KCNIP4: variants seen among roughly 807,000 people sequenced by gnomAD.
KCNIP4 encodes Kv channel-interacting protein 4.
In KCNIP4, 12 loss-of-function variants were observed where a neutral mutation model predicts 34.0. That is an observed-to-expected ratio of 0.35 (90% CI 0.23 to 0.57). The LOEUF is 0.57. KCNIP4 is among the 20% of genes least tolerant of loss of function. KCNIP4 has a pLI of 0.83. For synonymous variants in KCNIP4, 124 were observed against 102.2 expected, an observed-to-expected ratio of 1.21 and a Z score of -1.29; for missense variants, 238 against 311.7, an observed-to-expected ratio of 0.76 and a Z score of 1.78.
chr4:21,799,581 A>C (rs1450728), intron 1 of KCNIP4, among the ~76,000 whole-genome samples: 1 of 152,166 alleles, frequency 6.6e-6, no homozygotes, highest in Non-Finnish European at 1.5e-5. Context: ...TTGCTTAGTT[A>C]TGACTTTAAC....
chr4:21,911,651 CACACAG>C (rs1301076988), intron 1 of KCNIP4, among the ~76,000 whole-genome samples: 1 of 108,764 alleles, frequency 9.2e-6, no homozygotes, highest in African/African-American at 3.1e-5. Context: ...CACACACACA[CACACAG>C]AGTCTGGTAT....
intron 1 of KCNIP4, among the ~76,000 whole-genome samples, chr4:21,831,711 T>C (rs1578044461): frequency 6.9e-6 from 1 of 145,470 alleles, no homozygotes; most frequent in African/African-American, 2.5e-5. Context: ...GTTTCACTGG[T>C]GAATTCTACC....
At chr4:21,279,038 T>C (rs963504696) in intron 1 of KCNIP4, among the ~76,000 whole-genome samples, 8 of 152,092 alleles carry the variant, frequency 5.3e-5, no homozygotes, top group African/African-American at 1.9e-4. Context: ...TCATGTTCCA[T>C]ATGTGGAAGA....
chr4:21,500,117 AGCAAAAAG>A (rs1346863425), intron 1 of KCNIP4, among the ~76,000 whole-genome samples: 1 of 152,206 alleles, frequency 6.6e-6, no homozygotes, highest in African/African-American at 2.4e-5. Flanking sequence ...GTAGGAAGCA[AGCAAAAAG>A]GCTACACAAC....
At chr4:21,609,532 T>C (rs1743987104) in intron 1 of KCNIP4, among the ~76,000 whole-genome samples, 1 of 152,320 alleles carries the variant, frequency 6.6e-6, no homozygotes, top group African/African-American at 2.4e-5. Flanking sequence ...GGCATACTCA[T>C]TAATTCAGAC....
intron 1 of KCNIP4, among the ~76,000 whole-genome samples, chr4:21,698,147 G>A (rs1475603959): frequency 1.3e-5 from 2 of 152,190 alleles, no homozygotes; most frequent in Admixed American, 6.5e-5. Flanking sequence ...TGGGGACAAT[G>A]CTATTTTGTC....
At chr4:21,096,594 A>G (rs116746310) in intron 1 of KCNIP4, among the ~76,000 whole-genome samples, 39 of 152,288 alleles carry the variant, frequency 2.6e-4, no homozygotes, top group Non-Finnish European at 5.4e-4. Flanking sequence ...TCATGATACA[A>G]AGCACTAAAG....
chr4:20,938,660 GCCTC>G (rs1371154734), intron 1 of KCNIP4, among the ~76,000 whole-genome samples: 1 of 152,054 alleles, frequency 6.6e-6, no homozygotes, highest in Non-Finnish European at 1.5e-5. Flanking sequence ...CTTCTCCAAT[GCCTC>G]CCTATCAAAC....
intron 1 of KCNIP4, among the ~76,000 whole-genome samples, chr4:21,308,367 T>G (rs1043269794): frequency 3.3e-5 from 5 of 152,196 alleles, no homozygotes; most frequent in Non-Finnish European, 7.3e-5. Flanking sequence ...TTTCAAGCAG[T>G]GGGCCTAACA....
chr4:20,901,174 A>T (rs991978863), intron 1 of KCNIP4, among the ~76,000 whole-genome samples: 1 of 152,252 alleles, frequency 6.6e-6, no homozygotes, highest in Non-Finnish European at 1.5e-5. Context: ...ATCCAATTTA[A>T]TCATGAAAAG....
intron 1 of KCNIP4, among the ~76,000 whole-genome samples, chr4:21,170,994 T>C (rs1165361957): frequency 6.6e-6 from 1 of 152,220 alleles, no homozygotes; most frequent in Admixed American, 6.5e-5. Flanking sequence ...ATGCCAATTA[T>C]ACAGCTCTTT....
rs145668947 is a variant in KCNIP4, at chr4:21,484,586, G to A, written c.61+463985C>T. On this transcript the variant is annotated intron_variant, in intron 1 of 8. Coordinates refer to ENST00000382152, the MANE Select transcript of KCNIP4 (RefSeq NM_025221.6). ...TGTGCAACCTGACATCTGTGAGTAGGGGTTGAGGGTTGTTTGGTCGGGGGT... is the reference window on the plus strand; with the variant it reads ...TGTGCAACCTGACATCTGTGAGTAGAGGTTGAGGGTTGTTTGGTCGGGGGT... Among the ~76,000 whole-genome samples, 4 of 152,250 alleles carry A rather than the reference G, an allele frequency of 2.6e-5. No individual in the cohort carries two copies. The East Asian group carries it at 7.7e-4, about 29-fold the overall frequency.
In KCNIP4 at chr4:20,974,416, G is replaced by A. The variant is rs77626069; in HGVS notation, c.62-91707C>T. 3.0e-4 allele frequency among the ~76,000 whole-genome samples: 45 copies of A among 151,630 alleles called. 1 individual carries two copies. The East Asian group carries it at 7.7e-3, about 26-fold the overall frequency. ...GAAAGGGTGGTATAAAAGAGAGGGT[G>A]GGTTTCACTTAAAGCTGAAATGGAG... On this transcript the variant is annotated intron_variant, in intron 1 of 8. Transcript: ENST00000382152.
chr4:21,600,811 T>C (rs17557761), intron 1 of KCNIP4, among the ~76,000 whole-genome samples: 18,331 of 152,010 alleles, frequency 0.12, 1,215 homozygotes, highest in African/African-American at 0.16. Flanking sequence ...TCATGAATAC[T>C]TGTGTATGAG....
intron 1 of KCNIP4, among the ~76,000 whole-genome samples, chr4:21,543,878 T>C (rs897242287): frequency 3.3e-5 from 5 of 152,156 alleles, no homozygotes; most frequent in Non-Finnish European, 7.3e-5. Flanking sequence ...TACCGCATTG[T>C]CTACGATGGA....
At chr4:20,882,535 G>C in intron 2 of KCNIP4, 73 bp downstream of exon 2, 1 of 943,118 alleles carries the variant, frequency 1.1e-6, no homozygotes, top group Admixed American at 2.0e-5. Context: ...TGTAGAGAAC[G>C]GCAATGCATG....
At chr4:21,187,103 C>T (rs1024871635) in intron 1 of KCNIP4, among the ~76,000 whole-genome samples, 1 of 152,090 alleles carries the variant, frequency 6.6e-6, no homozygotes, top group Non-Finnish European at 1.5e-5. Context: ...AGCAATATAG[C>T]AAGAAGTAAT....
chr4:21,590,567 G>A (rs540795206), intron 1 of KCNIP4, among the ~76,000 whole-genome samples: 2 of 151,942 alleles, frequency 1.3e-5, no homozygotes, highest in Admixed American at 6.6e-5. Context: ...AAGGATGAAT[G>A]AAGGGAGGAA....
At chr4:20,967,101 C>A (rs912904440) in intron 1 of KCNIP4, among the ~76,000 whole-genome samples, 2 of 152,042 alleles carry the variant, frequency 1.3e-5, no homozygotes, top group African/African-American at 4.8e-5. Flanking sequence ...ATAAAAGGAC[C>A]CTGGGCAACT....
Sources: gnomAD v4.1 joint callset for allele counts (sites outside exome capture counted in the v4.1 genomes callset) on GRCh38, gnomAD v4.1.1 for gene constraint, MANE v1.5 for transcripts, NCBI Gene and HGNC (gene_info 2026-07-23, HGNC 2026-07-21) for gene names.